TMED10: variants seen among roughly 807,000 people sequenced by gnomAD.
TMED10 encodes transmembrane p24 trafficking protein 10, also known as transmembrane emp24 domain-containing protein 10.
A neutral mutation model predicts 23.1 loss-of-function variants in TMED10; 7 were observed. The observed-to-expected ratio is 0.30, with a 90% CI of 0.17 to 0.57. The LOEUF is 0.57. Ranked by LOEUF, TMED10 falls within the 20% of genes least tolerant of loss-of-function variation. The pLI, the probability that TMED10 is intolerant of heterozygous loss-of-function variation, is 0.91. For synonymous variants in TMED10, 113 were observed against 106.9 expected, an observed-to-expected ratio of 1.06 and a Z score of -0.35; for missense variants, 162 against 274.8, an observed-to-expected ratio of 0.59 and a Z score of 2.90.
chr14:75,156,549 C>T (rs1896021215), intron 1 of TMED10, among the ~76,000 whole-genome samples: 1 of 152,108 alleles, frequency 6.6e-6, no homozygotes, highest in Non-Finnish European at 1.5e-5. Context: ...CCATGGCACT[C>T]CAGGTTTTCA....
rs1239123728 is a variant in TMED10 at position 75,144,269 on chromosome 14, G to T, written c.411+3395C>A. On this transcript the variant is annotated intron_variant, in intron 3 of 4. Coordinates refer to ENST00000303575, the MANE Select transcript of TMED10 (RefSeq NM_006827.6). ...TAGTTCACAGATGACAAACTAAAAA[G>T]AAGTGGCTCGGTTCACATCCTGAAT... Among the ~76,000 whole-genome samples, 2 of 152,154 alleles carry T rather than the reference G, an allele frequency of 1.3e-5. 1 individual carries two copies. The highest frequency in any genetic ancestry group is 3.8e-4 in the East Asian group (2 of 5,198).
rs59707221 is a variant in TMED10, at chr14:75,138,812, C to CTTTTTTTTTTTTTTT, written c.412-2941_412-2927dup. Among the ~76,000 whole-genome samples the CTTTTTTTTTTTTTTT allele has an allele frequency of 8.5e-4, 81 of 95,036 alleles. 1 individual carries two copies. The highest frequency in any genetic ancestry group is 9.8e-4 in the Non-Finnish European group (46 of 47,124). 62.3% of individuals were successfully genotyped at this position (95,036 alleles called of 152,430 possible). A position where few individuals can be genotyped will look rare whatever the true frequency, so the allele number is the denominator to read the frequency against. On this transcript the variant is annotated intron_variant, in intron 3 of 4. Transcript: ENST00000303575. ...CTACTGAATCCCACAGCCTTTGCTT[C>CTTTTTTTTTTTTTTT]TTTTTTTTTTTTTTTTTTTTATTTT...
chr14:75,166,430 T>C (rs988647392), intron 1 of TMED10, among the ~76,000 whole-genome samples: 8 of 152,140 alleles, frequency 5.3e-5, no homozygotes, highest in African/African-American at 1.4e-4. Context: ...AGAAACAGCA[T>C]AGAAGTCACT....
chr14:75,161,460 C>T (rs1896084224), intron 1 of TMED10, among the ~76,000 whole-genome samples: 1 of 151,972 alleles, frequency 6.6e-6, no homozygotes, highest in Non-Finnish European at 1.5e-5. Context: ...AAAGAGACAT[C>T]ATTTGTTTTC....
At chr14:75,137,662 G>A (rs182478341) in intron 3 of TMED10, among the ~76,000 whole-genome samples, 6 of 146,680 alleles carry the variant, frequency 4.1e-5, no homozygotes, top group East Asian at 4.2e-4. Flanking sequence ...GTGACAGAGC[G>A]AGACTCCATC....
chr14:75,147,841 T>G, intron 2 of TMED10, 104 bp from the exon 3 acceptor site: 6 of 981,768 alleles, frequency 6.1e-6, no homozygotes, highest in Non-Finnish European at 8.5e-6. Flanking sequence ...ACCCTCTCAA[T>G]AGAGGGAAAC....
chr14:75,156,896 G>C (rs1296100449), intron 1 of TMED10, among the ~76,000 whole-genome samples: 1 of 134,998 alleles, frequency 7.4e-6, no homozygotes, highest in African/African-American at 3.1e-5. Flanking sequence ...CCTGGTGACA[G>C]AGCAAGACTC....
chr14:75,164,335 A>G (rs1345545710), intron 1 of TMED10, among the ~76,000 whole-genome samples: 1 of 150,358 alleles, frequency 6.7e-6, no homozygotes, highest in Non-Finnish European at 1.5e-5. Context: ...GGTTCAAGCA[A>G]TTCTCCTGCC....
intron 1 of TMED10, among the ~76,000 whole-genome samples, chr14:75,174,878 T>C (rs949483956): frequency 6.6e-6 from 1 of 151,632 alleles, no homozygotes. Flanking sequence ...TCATCTCTAC[T>C]AAAATACAAA....
In TMED10 at chr14:75,141,064, C is replaced by T. The variant is rs187311303; in HGVS notation, c.412-5178G>A. ...GCAAGGTACCAAGGTAAGTTATGAT[C>T]TTAAGCTCTCACAGCTTATATAGTA... On this transcript the variant is annotated intron_variant, in intron 3 of 4. Transcript: ENST00000303575. Among the ~76,000 whole-genome samples the T allele has an allele frequency of 4.6e-5, 7 of 152,212 alleles. No homozygotes were observed. In the East Asian group the frequency reaches 1.3e-3, roughly 29 times the overall value.
rs1895726285 is a variant in TMED10 at position 75,134,706 on chromosome 14, C to T, written c.*179G>A. 1.4e-6 allele frequency: 1 copy of T among 691,566 alleles called. No individual in the cohort carries two copies. The highest frequency in any genetic ancestry group is 3.0e-5 in the Admixed American group (1 of 33,578). The allele number at this position is 691,566 out of a possible 1,614,324, so 42.8% of individuals were successfully genotyped here. A position where few individuals can be genotyped will look rare whatever the true frequency, so the allele number is the denominator to read the frequency against. Reference sequence around the variant, plus strand: ...CCTACCAAATTAAAAAGAAGTCCCTCATTGACTTGTTGGGTGTAGGTGGTA... The same window carrying T: ...CCTACCAAATTAAAAAGAAGTCCCTTATTGACTTGTTGGGTGTAGGTGGTA... On this transcript the variant is annotated 3_prime_UTR_variant, in exon 5 of 5. Transcript: ENST00000303575.
chr14:75,141,425 TA>T (rs1270513496), intron 3 of TMED10, among the ~76,000 whole-genome samples: 1 of 151,862 alleles, frequency 6.6e-6, no homozygotes, highest in Non-Finnish European at 1.5e-5. Flanking sequence ...TAATAGCAAA[TA>T]AAAGGCTCAA....
intron 2 of TMED10, among the ~76,000 whole-genome samples, chr14:75,149,123 T>C (rs1182954220): frequency 2.0e-5 from 3 of 152,128 alleles, no homozygotes; most frequent in Admixed American, 1.3e-4. Flanking sequence ...CGCTATACTG[T>C]CCAGGCTGAT....
At chr14:75,150,319 C>A (rs372003996) in intron 2 of TMED10, among the ~76,000 whole-genome samples, 1 of 152,146 alleles carries the variant, frequency 6.6e-6, no homozygotes, top group Non-Finnish European at 1.5e-5. Flanking sequence ...ATCCTGATTA[C>A]GACATTGTCC....
chr14:75,167,827 A>G (rs1896184288), intron 1 of TMED10, among the ~76,000 whole-genome samples: 1 of 152,136 alleles, frequency 6.6e-6, no homozygotes. Context: ...CCAGAGCAAA[A>G]TAATAATAAA....
intron 1 of TMED10, among the ~76,000 whole-genome samples, chr14:75,164,574 TA>T (rs1184394435): frequency 1.7e-3 from 15 of 8,800 alleles, no homozygotes; most frequent in African/African-American, 9.5e-3. Context: ...TATATATATA[TA>T]TATTTTTTTT....
At chr14:75,158,219 C>T (rs1422530814) in intron 1 of TMED10, among the ~76,000 whole-genome samples, 1 of 152,182 alleles carries the variant, frequency 6.6e-6, no homozygotes. Flanking sequence ...AAGTTAGCAT[C>T]AGCTAAACAA....
At chr14:75,160,004 G>A (rs1896067680) in intron 1 of TMED10, among the ~76,000 whole-genome samples, 1 of 152,136 alleles carries the variant, frequency 6.6e-6, no homozygotes, top group Non-Finnish European at 1.5e-5. Flanking sequence ...TGATGATGCT[G>A]GAAGTTCGCC....
Position 75,176,372 on chromosome 14 carries a change from G to A in TMED10, c.208C>T (p.Leu70=). The change falls in exon 1 of 5, where the codon CTG becomes TTG. Residue 70 remains leucine (L), a synonymous_variant. Coordinates refer to ENST00000303575, the MANE Select transcript of TMED10 (RefSeq NM_006827.6). ...ISDQSGGAGG[L]RSHLKITDSA... The stretch of plus-strand genomic sequence containing the variant: ...TGCCGCACCTTGAGGTGGCTGCGCA[G>A]GCCGCCAGCGCCCCCAGACTGGTCG... 6.2e-7 allele frequency: 1 copy of A among 1,614,218 alleles called. No homozygotes were observed. Among genetic ancestry groups the A allele is most frequent in the Non-Finnish European group, 8.5e-7 (1 of 1,180,030 alleles).
Sources: allele counts gnomAD v4.1 joint callset (sites outside exome capture counted in the v4.1 genomes callset), GRCh38; gene constraint gnomAD v4.1.1; transcripts MANE v1.5; gene names NCBI Gene and HGNC (gene_info 2026-07-23, HGNC 2026-07-21).